The following RAB40B variants were observed in gnomAD, a reference collection of about 807,000 sequenced individuals.
RAB40B encodes ras-related protein Rab-40B.
RAB40B carries 21 observed loss-of-function variants against 24.0 expected under a neutral mutation model. That is an observed-to-expected ratio of 0.88 (90% CI 0.62 to 1.26). The LOEUF (loss-of-function observed/expected upper bound fraction) is 1.26, where lower values mean the gene tolerates loss of function less well. Among genes scored for constraint, RAB40B ranks in the 50% most tolerant of loss-of-function variants. RAB40B has a pLI of 0.00. For synonymous variants in RAB40B, 167 were observed against 169.8 expected (o/e 0.98, Z 0.13); for missense variants, 348 against 390.5 (o/e 0.89, Z 0.92).
At chr17:82,668,509 C>T (rs903094208) in intron 1 of RAB40B, among the ~76,000 whole-genome samples, 1 of 152,270 alleles carries the variant, frequency 6.6e-6, no homozygotes, top group Non-Finnish European at 1.5e-5. Context: ...TCAGCCCTCC[C>T]TCAGCTTCCC....
intron 1 of RAB40B, among the ~76,000 whole-genome samples, chr17:82,665,443 G>A (rs959291794): frequency 3.3e-5 from 5 of 152,094 alleles, no homozygotes; most frequent in South Asian, 2.1e-4. Flanking sequence ...TTGTAGAGAC[G>A]GGGTTTCGCT....
intron 3 of RAB40B, among the ~76,000 whole-genome samples, 168 bp downstream of exon 3, chr17:82,660,819 C>G (rs1449115990): frequency 6.6e-6 from 1 of 152,266 alleles, no homozygotes; most frequent in Non-Finnish European, 1.5e-5. Context: ...TGAAGTCTTT[C>G]AAACAACCAA....
chr17:82,680,703 A>G (rs908064237), intron 1 of RAB40B, among the ~76,000 whole-genome samples: 1 of 152,172 alleles, frequency 6.6e-6, no homozygotes, highest in African/African-American at 2.4e-5. Flanking sequence ...AACATTTTTC[A>G]TATGAAGTAT....
Position 82,658,073 on chromosome 17 carries a change from C to T in RAB40B, c.627G>A (p.Val209=), listed in dbSNP as rs114887873. 2,272 of 1,614,174 alleles carry T rather than the reference C, an allele frequency of 1.4e-3. 2 individuals carry two copies. The highest frequency in any genetic ancestry group is 1.8e-3 in the Non-Finnish European group (2,141 of 1,180,036). ...AVVSCTPVHL[V]DKLPLPIALR... is the part of the protein sequence containing the mutation. ...AGGCAATGGGGAGCGGGAGCTTGTC[C>T]ACCAGGTGCACCGGCGTGCAGGACA... is the stretch of plus-strand genomic sequence containing the variant. The change falls in exon 6 of 6, where the codon GTG becomes GTA. Residue 209 remains valine, a synonymous_variant. Transcript: ENST00000571995.
At chr17:82,694,304 C>T (rs1055603016) in intron 1 of RAB40B, among the ~76,000 whole-genome samples, 1 of 151,392 alleles carries the variant, frequency 6.6e-6, no homozygotes, top group African/African-American at 2.4e-5. Context: ...CTGAGCTAAG[C>T]AGATCACCTG....
rs553681262 is a variant in RAB40B at position 82,697,533 on chromosome 17, G to T, written c.142+922C>A. 2.0e-5 allele frequency among the ~76,000 whole-genome samples: 3 copies of T among 152,230 alleles called. No individual in the cohort carries two copies. In the South Asian group the frequency reaches 6.2e-4, roughly 32 times the overall value. On this transcript the variant is annotated intron_variant, in intron 1 of 5. Coordinates refer to ENST00000571995, the MANE Select transcript of RAB40B (RefSeq NM_006822.3). This position sits in a 1 kb window ranked among gnomAD's most constrained non-coding sequence, Gnocchi z 4.9. Reference sequence around the variant, plus strand: ...AAGCGTGGGTTCAGCCCCGAGGCGCGGCAGGAAGGTGGGCACAGGCTGGGC... The same window carrying T: ...AAGCGTGGGTTCAGCCCCGAGGCGCTGCAGGAAGGTGGGCACAGGCTGGGC...
intron 1 of RAB40B, chr17:82,664,789 C>T (rs1035627382): frequency 2.0e-5 from 10 of 498,244 alleles, no homozygotes; most frequent in African/African-American, 7.9e-5. Context: ...GGGTCAGGCT[C>T]GCATCACCCT....
rs536806868 is a variant in RAB40B, at chr17:82,690,816, C to G, written c.142+7639G>C. Among the ~76,000 whole-genome samples, 4 of 151,164 alleles carry G rather than the reference C, an allele frequency of 2.6e-5. 1 individual carries two copies. The South Asian group carries it at 8.4e-4, about 32-fold the overall frequency. On this transcript the variant is annotated intron_variant, in intron 1 of 5. Transcript: ENST00000571995. The stretch of plus-strand genomic sequence containing the variant: ...AGTGTGCATGTGTGTTCCTGGGGAA[C>G]AGAGAGTGTGCACGTGTGTCCAGGG...
Position 82,661,037 on chromosome 17 carries a change from C to T in RAB40B, c.214G>A (p.Gly72Ser). 1 of 1,614,050 alleles carries T rather than the reference C, an allele frequency of 6.2e-7. No individual in the cohort carries two copies. The highest frequency in any genetic ancestry group is 8.5e-7 in the Non-Finnish European group (1 of 1,179,972). Residue 72 changes from glycine (G) to serine (S), a missense_variant, in exon 3 of 6, where the codon GGC becomes AGC. By Grantham distance (56) the Gly-to-Ser change is moderately conservative. Around this residue, in one of 3 missense-constraint regions of RAB40B, gnomAD observed 126 missense variants for 181.0 expected, o/e 0.70. Transcript: ENST00000571995. The part of the protein sequence containing the change: ...RVKLQLWDTS[G>S]QGRFCTIFRS... ...AATATGGTACAAAATCTTCCCTGGC[C>T]TGAAGTATCCCTGGAAAAGATGTTG...
chr17:82,684,335 C>T (rs1256792446), intron 1 of RAB40B, among the ~76,000 whole-genome samples: 4 of 151,786 alleles, frequency 2.6e-5, no homozygotes, highest in Admixed American at 6.6e-5. Context: ...ACACTGCTGA[C>T]GGGGATGCAA....
intron 1 of RAB40B, among the ~76,000 whole-genome samples, chr17:82,678,710 A>C (rs1169882547): frequency 6.6e-6 from 1 of 152,150 alleles, no homozygotes; most frequent in Non-Finnish European, 1.5e-5. Context: ...TCCCCGGGGC[A>C]GAGGGGAGGG....
intron 3 of RAB40B, among the ~76,000 whole-genome samples, chr17:82,660,715 T>G (rs2046160348): frequency 6.7e-6 from 1 of 150,250 alleles, no homozygotes; most frequent in African/African-American, 2.5e-5. Context: ...CAGGCACTCA[T>G]GCACAGATGC....
chr17:82,667,771 C>T lies in RAB40B; in HGVS notation c.143-3215G>A, dbSNP rs1447701052. Among the ~76,000 whole-genome samples the T allele has an allele frequency of 6.6e-6, 1 of 152,232 alleles. No homozygotes were observed. Among genetic ancestry groups the T allele is most frequent in the African/African-American group, 2.4e-5 (1 of 41,464 alleles). On this transcript the variant is annotated intron_variant, in intron 1 of 5. Transcript: ENST00000571995. This position sits in a 1 kb window ranked among gnomAD's most constrained non-coding sequence, Gnocchi z 4.3. Reference sequence around the variant, plus strand: ...AGCAGCACTGAGAACGCCCGAAGCACCCGCTTTGCAGACGCCACCTGCCCC... The same window carrying T: ...AGCAGCACTGAGAACGCCCGAAGCATCCGCTTTGCAGACGCCACCTGCCCC...
chr17:82,662,046 T>G, intron 2 of RAB40B: 3 of 985,400 alleles, frequency 3.0e-6, no homozygotes, highest in Non-Finnish European at 3.6e-6. Flanking sequence ...GATTCCCCAG[T>G]GGGCCAGGGG....
chr17:82,659,453 C>T (rs572730950), intron 4 of RAB40B, 127 bp downstream of exon 4: 42 of 811,154 alleles, frequency 5.2e-5, no homozygotes, highest in East Asian at 4.7e-4. Flanking sequence ...CCTGCTGGAG[C>T]GCCATCCGGT....
chr17:82,671,339 G>A (rs1026479064), intron 1 of RAB40B, among the ~76,000 whole-genome samples: 6 of 114,656 alleles, frequency 5.2e-5, no homozygotes, highest in Non-Finnish European at 7.8e-5. Flanking sequence ...TCTCTGTACT[G>A]ACACACCTCA....
intron 1 of RAB40B, chr17:82,664,757 TC>T: frequency 3.6e-6 from 2 of 553,062 alleles, no homozygotes; most frequent in East Asian, 6.2e-5. Context: ...CCTCCTGTCC[TC>T]AGCCGCCTTG....
intron 5 of RAB40B, 118 bp from the exon 6 acceptor site, chr17:82,658,252 C>G (rs1399379059): frequency 5.1e-6 from 7 of 1,384,498 alleles, no homozygotes; most frequent in African/African-American, 1.4e-5. Flanking sequence ...GTGGCCCTGG[C>G]TTGTACATGC....
intron 1 of RAB40B, among the ~76,000 whole-genome samples, chr17:82,679,201 G>A (rs1023497579): frequency 6.6e-6 from 1 of 151,706 alleles, no homozygotes; most frequent in Middle Eastern, 3.2e-3. Context: ...ACAGTCAGGA[G>A]CAGCTCGCGC....
Sources: allele counts gnomAD v4.1 joint callset (sites outside exome capture counted in the v4.1 genomes callset), GRCh38; gene constraint gnomAD v4.1.1; regional missense constraint gnomAD v4.1.1; non-coding constraint Gnocchi (gnomAD v3.1); transcripts MANE v1.5; gene names NCBI Gene and HGNC (gene_info 2026-07-23, HGNC 2026-07-21).